The following NTM variants were observed in gnomAD, a reference collection of about 807,000 sequenced individuals.
The protein encoded by NTM is neurotrimin.
A neutral mutation model predicts 42.1 loss-of-function variants in NTM; 13 were observed. The observed-to-expected ratio is 0.31, with a 90% CI of 0.20 to 0.49. NTM has a LOEUF of 0.49. NTM is among the 20% of genes least tolerant of loss of function. NTM has a pLI of 0.99. For missense variants in NTM, 373 were observed against 452.8 expected (o/e 0.82, Z 1.60); for synonymous variants, 187 against 179.2 (o/e 1.04, Z -0.35).
intron 1 of NTM, among the ~76,000 whole-genome samples, chr11:131,486,064 G>A (rs748572490): frequency 9.9e-5 from 15 of 152,186 alleles, no homozygotes; most frequent in East Asian, 5.8e-4. Context: ...CAGAGGAACC[G>A]CCATTTACTG....
chr11:131,475,087 C>T (rs1209103701), intron 1 of NTM, among the ~76,000 whole-genome samples: 1 of 152,206 alleles, frequency 6.6e-6, no homozygotes, highest in Admixed American at 6.5e-5. Flanking sequence ...AAACATCTCT[C>T]TTCCTCTTTC....
intron 2 of NTM, among the ~76,000 whole-genome samples, chr11:132,108,951 A>G (rs538731075): frequency 6.6e-6 from 1 of 152,194 alleles, no homozygotes; most frequent in African/African-American, 2.4e-5. Flanking sequence ...GAGAACATGC[A>G]GTGTTTGGTT....
At chr11:131,480,986 G>T (rs1481770380) in intron 1 of NTM, among the ~76,000 whole-genome samples, 4 of 152,184 alleles carry the variant, frequency 2.6e-5, no homozygotes, top group African/African-American at 9.7e-5. Context: ...AATCCACTGG[G>T]CACAGTGGGG....
intron 1 of NTM, among the ~76,000 whole-genome samples, chr11:131,510,751 A>G (rs754999275): frequency 1.3e-5 from 2 of 152,124 alleles, no homozygotes; most frequent in Non-Finnish European, 2.9e-5. Context: ...CTGTCTGCTC[A>G]TTTCCCCAGT....
At chr11:131,593,048 A>T (rs1437104781) in intron 1 of NTM, among the ~76,000 whole-genome samples, 3 of 152,348 alleles carry the variant, frequency 2.0e-5, no homozygotes, top group African/African-American at 7.2e-5. Context: ...AGTGTCAAGC[A>T]GTTGCCCTTG....
intron 3 of NTM, among the ~76,000 whole-genome samples, chr11:132,175,911 T>G (rs1194037825): frequency 6.6e-6 from 1 of 152,214 alleles, no homozygotes; most frequent in Non-Finnish European, 1.5e-5. Flanking sequence ...TGCAACATTC[T>G]TTACATTTTT....
chr11:131,795,791 G>T lies in NTM; in HGVS notation c.83-115773G>T, dbSNP rs898069996. 4 of 985,280 alleles carry T rather than the reference G, an allele frequency of 4.1e-6. No individual in the cohort carries two copies. The African/African-American group carries it at 7.0e-5, about 17-fold the overall frequency. The allele number at this position is 985,280 out of a possible 1,614,324, so 61.0% of individuals were successfully genotyped here. ...GTGGGAGCAGTTGACTGGGGTTGGG[G>T]GGTGGTGGGAGCACAGAACTCTCAG... On this transcript the variant is annotated intron_variant, in intron 1 of 8. Coordinates refer to ENST00000683400, the MANE Select transcript of NTM (RefSeq NM_001352005.2).
At chr11:131,773,227 C>T (rs2086411445) in intron 1 of NTM, among the ~76,000 whole-genome samples, 1 of 152,172 alleles carries the variant, frequency 6.6e-6, no homozygotes, top group African/African-American at 2.4e-5. Context: ...AAGGCTGTGT[C>T]CTCACATGGT....
At position 132,315,745 on chromosome 11, in the gene NTM, C is replaced by T. The variant is rs564138644; in HGVS notation, c.934+1042C>T. Among the ~76,000 whole-genome samples, 63 of 152,286 alleles carry T rather than the reference C, an allele frequency of 4.1e-4. No homozygotes were observed. The South Asian group carries it at 0.013, about 31-fold the overall frequency. The stretch of plus-strand genomic sequence containing the variant: ...CTTCACCACACGATCTCTGCTCACC[C>T]ATTACATCCTCCTGCATTCTACCCG... On this transcript the variant is annotated intron_variant, in intron 7 of 8. Transcript: ENST00000683400.
chr11:131,400,366 A>G (rs1378984790), intron 1 of NTM, among the ~76,000 whole-genome samples: 1 of 152,156 alleles, frequency 6.6e-6, no homozygotes, highest in East Asian at 1.9e-4. Flanking sequence ...AACACAAAGC[A>G]CCAGAGGAGC....
chr11:131,990,177 A>G (rs1487160293), intron 2 of NTM, among the ~76,000 whole-genome samples: 2 of 152,152 alleles, frequency 1.3e-5, no homozygotes, highest in Non-Finnish European at 2.9e-5. Flanking sequence ...AAACGTTTTC[A>G]ACTCTCATAG....
chr11:131,564,409 G>T (rs555008135), intron 1 of NTM, among the ~76,000 whole-genome samples: 4 of 152,088 alleles, frequency 2.6e-5, no homozygotes, highest in East Asian at 3.9e-4. Flanking sequence ...CCTTCCCACT[G>T]TGTGCTCACA....
At chr11:131,918,762 G>A (rs1772450096) in intron 2 of NTM, among the ~76,000 whole-genome samples, 1 of 152,146 alleles carries the variant, frequency 6.6e-6, no homozygotes, top group Non-Finnish European at 1.5e-5. Flanking sequence ...GAAGCATGAG[G>A]AACAGGGCCT....
chr11:132,319,572 G>C (rs910894627), intron 7 of NTM, among the ~76,000 whole-genome samples: 3 of 152,222 alleles, frequency 2.0e-5, no homozygotes, highest in Non-Finnish European at 4.4e-5. Context: ...GGCTGGGGGA[G>C]GGGCGCCTGC....
chr11:132,042,316 A>G (rs2077311783), intron 2 of NTM, among the ~76,000 whole-genome samples: 1 of 152,160 alleles, frequency 6.6e-6, no homozygotes, highest in African/African-American at 2.4e-5. Flanking sequence ...TAGAGCAGCT[A>G]TGGCTACTGG....
At chr11:131,959,622 T>C (rs1012481441) in intron 2 of NTM, among the ~76,000 whole-genome samples, 2 of 152,064 alleles carry the variant, frequency 1.3e-5, no homozygotes, top group Non-Finnish European at 2.9e-5. Flanking sequence ...AGTGACAGAG[T>C]GTCTAAAACA....
At chr11:131,995,956 G>A (rs2067931994) in intron 2 of NTM, among the ~76,000 whole-genome samples, 2 of 152,148 alleles carry the variant, frequency 1.3e-5, no homozygotes, top group Admixed American at 1.3e-4. Context: ...TCAGTTCCTC[G>A]ACATTATCTG....
intron 1 of NTM, among the ~76,000 whole-genome samples, chr11:131,474,111 T>A (rs938182813): frequency 6.6e-6 from 1 of 152,180 alleles, no homozygotes; most frequent in Non-Finnish European, 1.5e-5. Context: ...CTAGTCTTAC[T>A]TTTTCATTGA....
At chr11:132,109,701 T>C (rs2062905639) in intron 2 of NTM, among the ~76,000 whole-genome samples, 2 of 152,102 alleles carry the variant, frequency 1.3e-5, no homozygotes, top group Admixed American at 1.3e-4. Context: ...TCCTCTCGGC[T>C]CCGGGACGCC....
Sources: allele counts gnomAD v4.1 joint callset (sites outside exome capture counted in the v4.1 genomes callset), GRCh38; gene constraint gnomAD v4.1.1; transcripts MANE v1.5; gene names NCBI Gene and HGNC (gene_info 2026-07-23, HGNC 2026-07-21).